PES1: variants seen among roughly 807,000 people sequenced by gnomAD.
The protein encoded by PES1 is pescadillo homolog.
A neutral mutation model predicts 77.1 loss-of-function variants in PES1; 31 were observed. That is an observed-to-expected ratio of 0.40 (90% CI 0.30 to 0.54). The LOEUF is 0.54. Among genes scored for constraint, PES1 ranks in the 20% least tolerant of loss-of-function variants. The pLI is 0.45. For synonymous variants in PES1, 282 were observed against 303.0 expected (o/e 0.93, Z 0.72); for missense variants, 658 against 771.7 (o/e 0.85, Z 1.75).
chr22:30,595,097 G>C (rs775519822), upstream of PES1, among the ~76,000 whole-genome samples: 3 of 152,130 alleles, frequency 2.0e-5, no homozygotes, highest in Non-Finnish European at 4.4e-5. Context: ...AGATTCTAAA[G>C]TCACCCCAGA....
chr22:30,597,229 C>T (rs895695016), intron 2 of PES1, among the ~76,000 whole-genome samples: 8 of 151,996 alleles, frequency 5.3e-5, no homozygotes, highest in Admixed American at 1.3e-4. Context: ...ACATCAACTG[C>T]CCAAGGGCTG....
At chr22:30,595,163 A>C (rs1022575191), upstream of PES1, among the ~76,000 whole-genome samples, 3 of 152,178 alleles carry the variant, frequency 2.0e-5, no homozygotes, top group East Asian at 1.9e-4. Context: ...ACTCTTTAAC[A>C]AAGTCCCCTT....
upstream of PES1, among the ~76,000 whole-genome samples, chr22:30,595,589 C>G (rs2087242514): frequency 6.6e-6 from 1 of 150,618 alleles, no homozygotes; most frequent in African/African-American, 2.4e-5. Context: ...TTCTTCCCAG[C>G]TGGGTTCCCA....
upstream of PES1, among the ~76,000 whole-genome samples, chr22:30,595,366 C>T (rs1431731564): frequency 2.0e-5 from 3 of 151,734 alleles, no homozygotes; most frequent in Non-Finnish European, 4.4e-5. Context: ...TGTGAAACCT[C>T]GTCTCTACTA....
intron 1 of PES1, among the ~76,000 whole-genome samples, chr22:30,591,285 C>T (rs2087172366): frequency 6.6e-6 from 1 of 152,170 alleles, no homozygotes. Context: ...TAATGTCCTT[C>T]CAACTCCTTA....
chr22:30,600,176 AT>A (rs2087333133), intron 2 of PES1, among the ~76,000 whole-genome samples: 1 of 151,640 alleles, frequency 6.6e-6, no homozygotes, highest in Non-Finnish European at 1.5e-5. Flanking sequence ...CTACTAAAAC[AT>A]AAAAAAATTA....
rs1036716207 is a variant in PES1, at chr22:30,606,942, C to G, written c.-851G>C. ...TCCACCACTGGAACAGCTGGGGGGA[C>G]AGCAGACAGGCACGGTCGGACAGAC... On this transcript the variant is annotated 5_prime_UTR_variant, in exon 1 of 17. Coordinates refer to the PES1 transcript ENST00000402281. 2.5e-5 allele frequency: 25 copies of G among 1,019,368 alleles called. No homozygotes were observed. In the African/African-American group the frequency reaches 4.0e-4, roughly 16 times the overall value. The allele number at this position is 1,019,368 out of a possible 1,614,324, so 63.1% of individuals were successfully genotyped here. A position where few individuals can be genotyped will look rare whatever the true frequency, so the allele number is the denominator to read the frequency against.
At chr22:30,597,922 C>T (rs990173297) in intron 2 of PES1, among the ~76,000 whole-genome samples, 25 of 142,004 alleles carry the variant, frequency 1.8e-4, no homozygotes, top group Middle Eastern at 3.8e-3. Flanking sequence ...CTCACTCTGT[C>T]GCCCAGGCTG....
intron 2 of PES1, among the ~76,000 whole-genome samples, chr22:30,598,912 T>TTTTTTTTAA (rs761643665): frequency 8.6e-6 from 1 of 116,414 alleles, no homozygotes; most frequent in African/African-American, 3.4e-5. Flanking sequence ...TTTTTTTTTT[T>TTTTTTTTAA]TTGAGATGGA....
intron 2 of PES1, among the ~76,000 whole-genome samples, chr22:30,588,508 T>C (rs1184101540): frequency 6.6e-6 from 1 of 152,188 alleles, no homozygotes; most frequent in Admixed American, 6.5e-5. Flanking sequence ...CTAGGCGTGA[T>C]GGCTCACATC....
At chr22:30,577,150 G>T in intron 14 of PES1, 21 bp from the exon 15 acceptor site, 3 of 1,607,266 alleles carry the variant, frequency 1.9e-6, no homozygotes, top group Non-Finnish European at 1.7e-6. Context: ...GAAGGCGAAG[G>T]TCAGGCTGAG....
upstream of PES1, among the ~76,000 whole-genome samples, chr22:30,592,863 A>G (rs2087204079): frequency 6.8e-6 from 1 of 147,058 alleles, no homozygotes; most frequent in Admixed American, 6.8e-5. Flanking sequence ...TTGTACACAT[A>G]AATTCTGTAA....
intron 2 of PES1, among the ~76,000 whole-genome samples, chr22:30,601,262 A>T (rs886611546): frequency 6.6e-6 from 1 of 152,192 alleles, no homozygotes; most frequent in South Asian, 2.1e-4. Context: ...TGAAAACACA[A>T]TCTGACACAT....
intron 2 of PES1, among the ~76,000 whole-genome samples, chr22:30,597,682 C>T (rs993577369): frequency 5.9e-5 from 9 of 151,602 alleles, no homozygotes; most frequent in Non-Finnish European, 1.3e-4. Context: ...ACTTTTGTGT[C>T]TAGCACAGGG....
chr22:30,602,551 T>C (rs946401053), intron 2 of PES1, among the ~76,000 whole-genome samples: 2 of 151,924 alleles, frequency 1.3e-5, no homozygotes, highest in Admixed American at 6.6e-5. Context: ...TTTTCCTTTT[T>C]TTCTTTTCTT....
rs2108110 is a variant in PES1, at chr22:30,581,027, C to T, written c.897G>A (p.Glu299=). 60 of 1,612,510 alleles carry T rather than the reference C, an allele frequency of 3.7e-5. No individual in the cohort carries two copies. Among genetic ancestry groups the T allele is most frequent in the Non-Finnish European group, 8.5e-7 (1 of 1,179,590 alleles). ...CAGTGCTCACCCCATCGGTGGGAAA[C>T]TCATCCACCTCGGCCTCCTCCTCTG... ...PATEEEAEVD[E]FPTDGEMSAQ... The change falls in exon 9 of 15, where the codon GAG becomes GAA. Residue 299 remains glutamate, a synonymous_variant. Coordinates refer to ENST00000354694, the MANE Select transcript of PES1 (RefSeq NM_014303.4).
chr22:30,584,078 C>T (rs79175069), intron 6 of PES1: 5 of 454,980 alleles, frequency 1.1e-5, no homozygotes, highest in Non-Finnish European at 2.0e-5. Flanking sequence ...CCTAAAAGGC[C>T]AAGCACCAGG....
intron 4 of PES1, chr22:30,585,165 G>A (rs2087059924): frequency 9.1e-6 from 4 of 437,422 alleles, no homozygotes; most frequent in Admixed American, 7.6e-5. Flanking sequence ...CCCCTCAGCA[G>A]CACTTATGAC....
At position 30,588,001 on chromosome 22, in the gene PES1, C is replaced by T; in HGVS notation, c.258+20G>A. The stretch of plus-strand genomic sequence containing the variant: ...AGAGCTGCGATGAGAACCTGACAGA[C>T]CCTAGAGCCCAGACCTCACCTTGTA... On this transcript the variant is annotated intron_variant, in intron 3 of 14. Coordinates refer to ENST00000354694, the MANE Select transcript of PES1 (RefSeq NM_014303.4). 6.2e-7 allele frequency: 1 copy of T among 1,612,392 alleles called. No homozygotes were observed. Among genetic ancestry groups the T allele is most frequent in the Non-Finnish European group, 8.5e-7 (1 of 1,179,562 alleles).
Sources: allele counts gnomAD v4.1 joint callset (sites outside exome capture counted in the v4.1 genomes callset), GRCh38; gene constraint gnomAD v4.1.1; transcripts MANE v1.5; gene names NCBI Gene and HGNC (gene_info 2026-07-23, HGNC 2026-07-21).